ADPRHL1: variants seen among roughly 807,000 people sequenced by gnomAD.
The protein encoded by ADPRHL1 is inactive ADP-ribosyltransferase ARH2.
In ADPRHL1, 43 loss-of-function variants were observed where a neutral mutation model predicts 44.1. The ratio of observed to expected loss-of-function variants is 0.98; its 90% CI spans 0.76 to 1.26. The LOEUF (loss-of-function observed/expected upper bound fraction) is 1.26. Ranked by LOEUF, ADPRHL1 falls within the 50% of genes most tolerant of loss-of-function variation. The pLI is 0.00. For synonymous variants in ADPRHL1, 878 were observed against 1,017.4 expected (o/e 0.86, Z 2.61); for missense variants, 2,022 against 2,496.9 (o/e 0.81, Z 4.05).
In ADPRHL1 at chr13:113,406,374, T is replaced by C; in HGVS notation, c.2908A>G (p.Asn970Asp). 2 of 1,232,134 alleles carry C rather than the reference T, an allele frequency of 1.6e-6. No homozygotes were observed. Among genetic ancestry groups the C allele is most frequent in the South Asian group, 4.1e-5 (1 of 24,318 alleles). The allele number at this position is 1,232,134 out of a possible 1,614,324, so 76.3% of individuals were successfully genotyped here. A position where few individuals can be genotyped will look rare whatever the true frequency, so the allele number is the denominator to read the frequency against. Residue 970 changes from asparagine to aspartate, a missense_variant, in exon 8 of 8, where the codon AAT (asparagine) becomes GAT (aspartate). This residue lies in a region of ADPRHL1 where 1,221 missense variants were observed against 1,517.8 expected (regional missense o/e 0.80). Coordinates refer to ENST00000612156, the MANE Select transcript of ADPRHL1 (RefSeq NM_001394807.1). ...GSFENSHGPR[N>D]PDDISGERTS... ...CTCTCTCCTGAAATATCGTCAGGAT[T>C]CCTGGGACCGTGTGAATTCTCAAAG...
chr13:113,426,217 C>T (rs548159826), intron 4 of ADPRHL1, among the ~76,000 whole-genome samples: 2 of 152,326 alleles, frequency 1.3e-5, no homozygotes, highest in African/African-American at 4.8e-5. Context: ...CACAGGGAAT[C>T]GCCTTCCCCG....
Position 113,424,355 on chromosome 13 carries a change from A to C in ADPRHL1, c.775-6T>G, listed in dbSNP as rs1254280478. On this transcript the variant is annotated splice_polypyrimidine_tract_variant and splice_region_variant and intron_variant, in intron 5 of 7. Coordinates refer to ENST00000612156, the MANE Select transcript of ADPRHL1 (RefSeq NM_001394807.1). ...GAGCTCCACTTCCTGTAGGTCTGAC[A>C]AGAGAGCCGTGGGTCGGGGCGTGTG... 2.5e-6 allele frequency: 4 copies of C among 1,612,502 alleles called. No individual in the cohort carries two copies. Among genetic ancestry groups the C allele is most frequent in the Non-Finnish European group, 3.4e-6 (4 of 1,179,828 alleles).
chr13:113,404,480 T>C lies in ADPRHL1; in HGVS notation c.4802A>G (p.Gln1601Arg). 7.6e-7 allele frequency: 1 copy of C among 1,312,372 alleles called. No homozygotes were observed. Among genetic ancestry groups the C allele is most frequent in the Non-Finnish European group, 9.6e-7 (1 of 1,038,314 alleles). The allele number at this position is 1,312,372 out of a possible 1,614,324, so 81.3% of individuals were successfully genotyped here. ...CTGGGCCCATTTCTGAACCTCTCCTTGAACCTGTTTCTGGGCCTGTCCCTG... is the reference window on the plus strand; with the variant it reads ...CTGGGCCCATTTCTGAACCTCTCCTCGAACCTGTTTCTGGGCCTGTCCCTG... ...QIQGQAQKQV[Q>R]GEVQKWAQEE... The change falls in exon 8 of 8, where the codon CAA becomes CGA. Residue 1601 changes from glutamine (Q) to arginine (R), a missense_variant. By Grantham distance (43) the Gln-to-Arg change is conservative (BLOSUM62 1). Coordinates refer to ENST00000612156, the MANE Select transcript of ADPRHL1 (RefSeq NM_001394807.1).
At chr13:113,450,566 G>A (rs1026604999) in intron 1 of ADPRHL1, among the ~76,000 whole-genome samples, 1 of 152,196 alleles carries the variant, frequency 6.6e-6, no homozygotes, top group Non-Finnish European at 1.5e-5. Context: ...AGAAGGGGCA[G>A]GGTAAAGAAT....
Position 113,403,328 on chromosome 13 carries a change from A to G in ADPRHL1, c.*50T>C. On this transcript the variant is annotated 3_prime_UTR_variant, in exon 8 of 8. Coordinates refer to ENST00000612156, the MANE Select transcript of ADPRHL1 (RefSeq NM_001394807.1). ...GGCAGGAAAATGCCTGAAGTCCCTC[A>G]ATGGGCGGATGTCACAGTGCTGGGC... 1 of 1,229,566 alleles carries G rather than the reference A, an allele frequency of 8.1e-7. No homozygotes were observed. Among genetic ancestry groups the G allele is most frequent in the African/African-American group, 1.6e-5 (1 of 64,468 alleles). The allele number at this position is 1,229,566 out of a possible 1,614,324, so 76.2% of individuals were successfully genotyped here.
At chr13:113,417,445 C>T (rs895470597) in intron 7 of ADPRHL1, among the ~76,000 whole-genome samples, 2 of 152,250 alleles carry the variant, frequency 1.3e-5, no homozygotes, top group East Asian at 1.9e-4. Context: ...AGAACGTTCG[C>T]GATGTGTGTG....
In ADPRHL1 at chr13:113,407,422, G is replaced by T; in HGVS notation, c.1860C>A (p.Ala620=). ...CACAGACGACGGTGGCGATGCTGAG[G>T]GCCGGCAGGGGCTCAGCCGTGCAGG... ...FLACTAEPLP[A]LSIATVVCGP... The change falls in exon 8 of 8, where the codon GCC becomes GCA. Residue 620 remains alanine (A), a synonymous_variant. Coordinates refer to ENST00000612156, the MANE Select transcript of ADPRHL1 (RefSeq NM_001394807.1). The T allele has an allele frequency of 8.1e-7, 1 of 1,232,002 alleles. No homozygotes were observed. Among genetic ancestry groups the T allele is most frequent in the South Asian group, 4.1e-5 (1 of 24,316 alleles). 76.3% of individuals were successfully genotyped at this position (1,232,002 alleles called of 1,614,324 possible).
intron 7 of ADPRHL1, chr13:113,422,052 G>C (rs1163973335): frequency 6.6e-6 from 1 of 152,260 alleles, no homozygotes; most frequent in Non-Finnish European, 1.5e-5. Flanking sequence ...CTCTGAGAGA[G>C]AACCTCATCA....
chr13:113,421,395 T>A lies in ADPRHL1; in HGVS notation c.1061+1431A>T, dbSNP rs574712394. On this transcript the variant is annotated intron_variant, in intron 7 of 7. Transcript: ENST00000612156. Reference sequence around the variant, plus strand: ...CCTGGGACACGCCCACCCCCGGGACTTGCCCACCCCCAGAACACGTCTACC... The same window carrying A: ...CCTGGGACACGCCCACCCCCGGGACATGCCCACCCCCAGAACACGTCTACC... Among the ~76,000 whole-genome samples, 195 of 49,956 alleles carry A rather than the reference T, an allele frequency of 3.9e-3. 1 individual carries two copies. The highest frequency in any genetic ancestry group is 6.3e-3 in the Non-Finnish European group (158 of 25,096). The allele number at this position is 49,956 out of a possible 152,430, so 32.8% of individuals were successfully genotyped here. A position where few individuals can be genotyped will look rare whatever the true frequency, so the allele number is the denominator to read the frequency against.
intron 7 of ADPRHL1, among the ~76,000 whole-genome samples, chr13:113,412,465 A>C (rs9324241): frequency 1.3e-5 from 2 of 152,048 alleles, no homozygotes; most frequent in African/African-American, 4.8e-5. Context: ...GGCGTGAGCC[A>C]CCGCGCCCAG....
At chr13:113,438,182 G>C (rs1251711742) in intron 2 of ADPRHL1, among the ~76,000 whole-genome samples, 1 of 152,130 alleles carries the variant, frequency 6.6e-6, no homozygotes, top group Non-Finnish European at 1.5e-5. Context: ...AGTCAGAGTG[G>C]TAGAACCATT....
chr13:113,427,213 T>C (rs954715580), intron 4 of ADPRHL1, among the ~76,000 whole-genome samples: 2 of 152,232 alleles, frequency 1.3e-5, no homozygotes, highest in African/African-American at 4.8e-5. Context: ...TCTCAGAAAA[T>C]GCTTTGAGGA....
chr13:113,448,380 C>T (rs1476382474), intron 1 of ADPRHL1, among the ~76,000 whole-genome samples: 1 of 143,616 alleles, frequency 7.0e-6, no homozygotes, highest in East Asian at 2.1e-4. Context: ...GCAGGAGAAT[C>T]GCTTGAACTC....
At position 113,422,789 on chromosome 13, in the gene ADPRHL1, C is replaced by A. The variant is rs202224941; in HGVS notation, c.1061+37G>T. On this transcript the variant is annotated intron_variant, in intron 7 of 7. Coordinates refer to ENST00000612156, the MANE Select transcript of ADPRHL1 (RefSeq NM_001394807.1). ...GGCCCTACGGGCCCCGGGGTGGAAT[C>A]GGCTCTCTAGGGGGAAAGTGGCAGA... is the stretch of plus-strand genomic sequence containing the variant. The A allele has an allele frequency of 6.8e-6, 11 of 1,611,066 alleles. No individual in the cohort carries two copies. In the South Asian group the frequency reaches 9.9e-5, roughly 15 times the overall value.
Position 113,407,733 on chromosome 13 carries a change from C to T in ADPRHL1, c.1549G>A (p.Ala517Thr). 2.4e-6 allele frequency: 3 copies of T among 1,232,144 alleles called. No homozygotes were observed. Among genetic ancestry groups the T allele is most frequent in the Non-Finnish European group, 3.0e-6 (3 of 988,052 alleles). The allele number at this position is 1,232,144 out of a possible 1,614,324, so 76.3% of individuals were successfully genotyped here. Residue 517 changes from alanine (A) to threonine (T), a missense_variant, in exon 8 of 8, where the codon GCG becomes ACG. Ala to Thr is a moderately conservative substitution (Grantham distance 58). Coordinates refer to ENST00000612156, the MANE Select transcript of ADPRHL1 (RefSeq NM_001394807.1). ...TTCTCGCGTGCTTCTTTCTCCTTCG[C>T]CTCCTTCTCCTCGGCGGCCAAGAAT... The part of the protein sequence containing the change: ...KIFLAAEEKE[A>T]KEKEAREKPP...
At chr13:113,416,963 G>A (rs539719868) in intron 7 of ADPRHL1, among the ~76,000 whole-genome samples, 9 of 152,314 alleles carry the variant, frequency 5.9e-5, no homozygotes, top group South Asian at 2.1e-4. Flanking sequence ...AAATATTAAC[G>A]GCTGCTGATC....
chr13:113,407,559 G>A lies in ADPRHL1; in HGVS notation c.1723C>T (p.Arg575Trp), dbSNP rs952188923. 3.2e-5 allele frequency: 40 copies of A among 1,232,098 alleles called. No homozygotes were observed. Among genetic ancestry groups the A allele is most frequent in the East Asian group, 9.5e-5 (3 of 31,702 alleles). The allele number at this position is 1,232,098 out of a possible 1,614,324, so 76.3% of individuals were successfully genotyped here. The change falls in exon 8 of 8, where the codon CGG becomes TGG. Residue 575 changes from arginine to tryptophan, a missense_variant. Coordinates refer to ENST00000612156, the MANE Select transcript of ADPRHL1 (RefSeq NM_001394807.1). ...ASALRLHTQERKKRNLQRKRM... is the reference protein window; with the variant it reads ...ASALRLHTQEWKKRNLQRKRM... ...TTCCTCTGCAGGTTCCTCTTCTTCC[G>A]CTCCTGCGTGTGCAGCCTCAGCGCA... is the stretch of plus-strand genomic sequence containing the variant.
intron 3 of ADPRHL1, 98 bp downstream of exon 3, chr13:113,433,644 G>GCCCCCCCC: frequency 6.8e-7 from 1 of 1,466,064 alleles, no homozygotes; most frequent in Non-Finnish European, 9.0e-7. Context: ...GCAGCTCCAG[G>GCCCCCCCC]CCCCCGCCCC....
chr13:113,406,615 C>A lies in ADPRHL1; in HGVS notation c.2667G>T (p.Val889=). 1.6e-6 allele frequency: 2 copies of A among 1,232,068 alleles called. No individual in the cohort carries two copies. Among genetic ancestry groups the A allele is most frequent in the South Asian group, 4.1e-5 (1 of 24,306 alleles). 76.3% of individuals were successfully genotyped at this position (1,232,068 alleles called of 1,614,324 possible). A position where few individuals can be genotyped will look rare whatever the true frequency, so the allele number is the denominator to read the frequency against. Residue 889 remains valine (V), a synonymous_variant, in exon 8 of 8, where the codon GTG becomes GTT. Transcript: ENST00000612156. ...VENAHTEFPT[V]TENRRGHRAP... Reference sequence around the variant, plus strand: ...CTCGGTGACCCCTTCTGTTCTCAGTCACGGTGGGAAATTCTGTGTGGGCAT... The same window carrying A: ...CTCGGTGACCCCTTCTGTTCTCAGTAACGGTGGGAAATTCTGTGTGGGCAT...
Sources: allele counts gnomAD v4.1 joint callset (sites outside exome capture counted in the v4.1 genomes callset), GRCh38; gene constraint gnomAD v4.1.1; regional missense constraint gnomAD v4.1.1; transcripts MANE v1.5; gene names NCBI Gene and HGNC (gene_info 2026-07-23, HGNC 2026-07-21).